TTBK2: variants seen among roughly 807,000 people sequenced by gnomAD.
TTBK2 encodes tau tubulin kinase 2, also known as tau-tubulin kinase 2.
A neutral mutation model predicts 110.8 loss-of-function variants in TTBK2; 28 were observed. The observed-to-expected ratio is 0.25, with a 90% confidence interval of 0.19 to 0.35. The LOEUF is 0.35. TTBK2 is among the 10% of genes least tolerant of loss of function. TTBK2 has a pLI of 1.00. For synonymous variants in TTBK2, 532 were observed against 527.3 expected (o/e 1.01, Z -0.12); for missense variants, 1,369 against 1,500.3 (o/e 0.91, Z 1.45).
chr15:42,851,091 T>A (rs1893691059), intron 3 of TTBK2, among the ~76,000 whole-genome samples: 1 of 150,606 alleles, frequency 6.6e-6, no homozygotes, highest in Non-Finnish European at 1.5e-5. Flanking sequence ...AATAAAAAAA[T>A]AAAAAAATTA....
At chr15:42,759,428 G>C (rs12594378) in intron 13 of TTBK2, among the ~76,000 whole-genome samples, 9,699 of 152,248 alleles carry the variant, frequency 0.064, 751 homozygotes, top group African/African-American at 0.19. Context: ...CCTGCCCCTG[G>C]CAGGTGTGCC....
chr15:42,810,734 T>C lies in TTBK2; in HGVS notation c.702A>G (p.Gln234=). 1.2e-6 allele frequency: 2 copies of C among 1,613,706 alleles called. No individual in the cohort carries two copies. Among genetic ancestry groups the C allele is most frequent in the Non-Finnish European group, 1.7e-6 (2 of 1,179,864 alleles). The change falls in exon 9 of 15, where the codon CAA becomes CAG. Residue 234 remains glutamine, a synonymous_variant. Transcript: ENST00000267890. The stretch of plus-strand genomic sequence containing the variant: ...CATATCTCTCCTTAATAGAGCCTAC[T>C]TGCTCCTGGGAAGTAAAGAGAAAAA... ...LPWRKIKDKE[Q]VGSIKERYDH...
At chr15:42,855,426 T>C (rs1893891160) in intron 3 of TTBK2, among the ~76,000 whole-genome samples, 2 of 152,016 alleles carry the variant, frequency 1.3e-5, no homozygotes, top group African/African-American at 4.8e-5. Flanking sequence ...ACAGAAAAAG[T>C]TTAAGGAACA....
At chr15:42,801,673 G>C (rs1177337044) in intron 9 of TTBK2, 4 of 894,746 alleles carry the variant, frequency 4.5e-6, no homozygotes, top group Non-Finnish European at 7.6e-6. Context: ...TGTTGTCCAT[G>C]AACAGCACCA....
chr15:42,765,784 C>A (rs1317173307), intron 13 of TTBK2, among the ~76,000 whole-genome samples: 1 of 152,094 alleles, frequency 6.6e-6, no homozygotes, highest in Non-Finnish European at 1.5e-5. Context: ...AAAGATACTC[C>A]ATGAGAAGAG....
intron 7 of TTBK2, among the ~76,000 whole-genome samples, chr15:42,813,750 G>T (rs1360924271): frequency 6.8e-6 from 1 of 146,950 alleles, no homozygotes; most frequent in African/African-American, 2.6e-5. Flanking sequence ...GGAGGCTGAG[G>T]CAGGAGAATT....
chr15:42,853,371 C>A (rs1200381954), intron 3 of TTBK2, among the ~76,000 whole-genome samples: 1 of 151,978 alleles, frequency 6.6e-6, no homozygotes, highest in Non-Finnish European at 1.5e-5. Context: ...AATTAATTCC[C>A]AAATATCTCA....
chr15:42,869,765 A>G (rs1231445823), intron 3 of TTBK2, among the ~76,000 whole-genome samples: 1 of 152,162 alleles, frequency 6.6e-6, no homozygotes, highest in East Asian at 1.9e-4. Flanking sequence ...CTTATTAGGA[A>G]TACTTTAGAG....
intron 1 of TTBK2, among the ~76,000 whole-genome samples, chr15:42,885,238 G>A (rs1427606216): frequency 2.6e-5 from 4 of 152,158 alleles, no homozygotes; most frequent in African/African-American, 4.8e-5. Context: ...CCAGTCCCCT[G>A]TCCTCACCCT....
intron 13 of TTBK2, among the ~76,000 whole-genome samples, chr15:42,763,096 AT>A (rs1236378114): frequency 8.2e-6 from 1 of 121,500 alleles, no homozygotes; most frequent in Non-Finnish European, 1.6e-5. Context: ...ATATATATAT[AT>A]ATATACGTAT....
At chr15:42,846,191 TTTTC>T (rs1333592887) in intron 3 of TTBK2, among the ~76,000 whole-genome samples, 6 of 151,898 alleles carry the variant, frequency 4.0e-5, no homozygotes, top group Admixed American at 1.3e-4. Context: ...TTTTTTTCTT[TTTTC>T]TTTCTTTTTT....
intron 10 of TTBK2, among the ~76,000 whole-genome samples, chr15:42,785,273 C>G (rs1014852050): frequency 2.6e-5 from 4 of 152,176 alleles, no homozygotes; most frequent in Admixed American, 6.5e-5. Flanking sequence ...GCATGCACCA[C>G]CATGCCCAGC....
intron 7 of TTBK2, among the ~76,000 whole-genome samples, chr15:42,815,958 A>AAAAAAATAT (rs71108183): frequency 2.2e-5 from 2 of 91,716 alleles, no homozygotes; most frequent in Admixed American, 1.3e-4. Context: ...TTAAAAAAAA[A>AAAAAAATAT]ATATATATAT....
chr15:42,802,278 G>C (rs753204516), intron 9 of TTBK2: 2 of 795,450 alleles, frequency 2.5e-6, no homozygotes, highest in South Asian at 2.7e-5. Flanking sequence ...GGAAGCTGCT[G>C]CTGCCCATTC....
intron 9 of TTBK2, among the ~76,000 whole-genome samples, chr15:42,804,771 GAT>G (rs371336026): frequency 1.1e-3 from 164 of 152,260 alleles, no homozygotes; most frequent in African/African-American, 3.9e-3. Context: ...GATGAATGTG[GAT>G]AAAGTAAGCT....
intron 9 of TTBK2, 170 bp from the exon 10 acceptor site, chr15:42,794,971 T>C: frequency 1.3e-6 from 1 of 749,546 alleles, no homozygotes; most frequent in Non-Finnish European, 2.2e-6. Flanking sequence ...ATGATGATAG[T>C]GAATTAATGT....
chr15:42,783,677 A>T, intron 10 of TTBK2, 42 bp from the exon 11 acceptor site: 1 of 1,368,206 alleles, frequency 7.3e-7, no homozygotes, highest in Non-Finnish European at 1.0e-6. Context: ...ATCAAAAATT[A>T]CTATGAGACT....
Position 42,842,977 on chromosome 15 carries a change from A to G in TTBK2, c.218-2544T>C, listed in dbSNP as rs558977993. Among the ~76,000 whole-genome samples, 12 of 152,226 alleles carry G rather than the reference A, an allele frequency of 7.9e-5. No individual in the cohort carries two copies. In the South Asian group the frequency reaches 8.3e-4, roughly 11 times the overall value. On this transcript the variant is annotated intron_variant, in intron 3 of 14. Transcript: ENST00000267890. The stretch of plus-strand genomic sequence containing the variant: ...ATAAAATGATGGTCATTAGCAACTT[A>G]CTCTTGTCCTCCAGCTTCAAAGAAA...
rs1555421103 is a variant in TTBK2, at chr15:42,763,101, T to TATATATATATATACACATATATATAC, written c.1999-9855_1999-9854insGTATATATATGTGTATATATATATAT. ...TAACAATTTTATATATATATATATATACGTATATATATATATACACATATA... is the reference window on the plus strand; with the variant it reads ...TAACAATTTTATATATATATATATATATATATATATATACACATATATATACACGTATATATATATATACACATATA... On this transcript the variant is annotated intron_variant, in intron 13 of 14. Transcript: ENST00000267890. Among the ~76,000 whole-genome samples the TATATATATATATACACATATATATAC allele has an allele frequency of 1.2e-4, 13 of 109,140 alleles. 2 individuals are homozygous for TATATATATATATACACATATATATAC. Among genetic ancestry groups the TATATATATATATACACATATATATAC allele is most frequent in the African/African-American group, 5.5e-4 (12 of 21,934 alleles). The allele number at this position is 109,140 out of a possible 152,430, so 71.6% of individuals were successfully genotyped here.
Sources: allele counts gnomAD v4.1 joint callset (sites outside exome capture counted in the v4.1 genomes callset), GRCh38; gene constraint gnomAD v4.1.1; transcripts MANE v1.5; gene names NCBI Gene and HGNC (gene_info 2026-07-23, HGNC 2026-07-21).